KCND3: variants seen among roughly 807,000 people sequenced by gnomAD.
The protein encoded by KCND3 is A-type voltage-gated potassium channel KCND3.
KCND3 carries 9 observed loss-of-function variants against 51.1 expected under a neutral mutation model. That is an observed-to-expected ratio of 0.18 (90% confidence interval 0.11 to 0.31). The LOEUF (loss-of-function observed/expected upper bound fraction) is 0.31. Ranked by LOEUF, KCND3 falls within the 10% of genes least tolerant of loss-of-function variation. The probability of loss-of-function intolerance (pLI) is 1.00; values close to 1 mark genes in which losing one functional copy is unlikely to be tolerated. For synonymous variants in KCND3, 349 were observed against 368.0 expected (o/e 0.95, Z 0.59); for missense variants, 526 against 903.8 (o/e 0.58, Z 5.36).
At chr1:111,808,115 C>A (rs1289771983) in intron 2 of KCND3, among the ~76,000 whole-genome samples, 1 of 152,186 alleles carries the variant, frequency 6.6e-6, no homozygotes, top group East Asian at 1.9e-4. Flanking sequence ...AAGGAATTAT[C>A]CAGAATGTAG....
chr1:111,860,385 TGA>T (rs1352081182), intron 2 of KCND3, among the ~76,000 whole-genome samples: 1 of 152,178 alleles, frequency 6.6e-6, no homozygotes, highest in Non-Finnish European at 1.5e-5. Context: ...CTTAGGTGCT[TGA>T]TTGATACTTG....
chr1:111,881,395 A>G (rs1669305519), intron 2 of KCND3, among the ~76,000 whole-genome samples: 4 of 152,170 alleles, frequency 2.6e-5, no homozygotes, highest in African/African-American at 9.7e-5. Flanking sequence ...GCACCTGCCC[A>G]AGGCCGGGTG....
intron 2 of KCND3, among the ~76,000 whole-genome samples, chr1:111,947,164 G>T (rs1384694321): frequency 6.6e-6 from 1 of 152,074 alleles, no homozygotes; most frequent in Non-Finnish European, 1.5e-5. Flanking sequence ...TGTTTCTGAT[G>T]GCAGGACTAG....
intron 2 of KCND3, among the ~76,000 whole-genome samples, chr1:111,916,024 C>T (rs1282135818): frequency 6.6e-6 from 1 of 151,974 alleles, no homozygotes; most frequent in African/African-American, 2.4e-5. Flanking sequence ...AAAAAGTAGG[C>T]TAAAAATCAG....
chr1:111,936,038 A>C (rs1297779622), intron 2 of KCND3, among the ~76,000 whole-genome samples: 3 of 152,248 alleles, frequency 2.0e-5, no homozygotes, highest in Non-Finnish European at 2.9e-5. Flanking sequence ...ACATGGAAAT[A>C]TCCTGATAAA....
chr1:111,779,322 A>T (rs1664270877), intron 5 of KCND3, among the ~76,000 whole-genome samples: 1 of 151,712 alleles, frequency 6.6e-6, no homozygotes, highest in Non-Finnish European at 1.5e-5. Context: ...CTCCCCACCA[A>T]AAAAAAAGGA....
rs1181624645 is a variant in KCND3 at position 111,772,421 on chromosome 1, AGTATTGACATATAC to A, written c.*3642_*3655del. ...TGATTTCCAAGGGCTGTGTCCAAGT[AGTATTGACATATAC>A]GTATTGACATATAAGACTATGTCTC... On this transcript the variant is annotated 3_prime_UTR_variant, in exon 8 of 8. Transcript: ENST00000302127. 1.3e-5 allele frequency: 2 copies of A among 152,236 alleles called. No individual in the cohort carries two copies. The highest frequency in any genetic ancestry group is 4.8e-5 in the African/African-American group (2 of 41,460). 9.4% of individuals were successfully genotyped at this position (152,236 alleles called of 1,614,324 possible). A position where few individuals can be genotyped will look rare whatever the true frequency, so the allele number is the denominator to read the frequency against.
intron 2 of KCND3, among the ~76,000 whole-genome samples, chr1:111,976,868 G>A (rs1557762786): frequency 1.3e-5 from 2 of 152,216 alleles, no homozygotes. Context: ...TGGCTGATGT[G>A]CAATCATAGT....
In KCND3 at chr1:111,776,086, G is replaced by A. The variant is rs147087785; in HGVS notation, c.1959C>T (p.Ser653=). 374 of 1,614,054 alleles carry A rather than the reference G, an allele frequency of 2.3e-4. 1 individual carries two copies. The highest frequency in any genetic ancestry group is 2.9e-4 in the Non-Finnish European group (345 of 1,180,032). Reference sequence around the variant, plus strand: ...CCTCTGTCCAGTGGTTTTACAAGGCGGAGACCTTGACAACATTGCTGGCTA... The same window carrying A: ...CCTCTGTCCAGTGGTTTTACAAGGCAGAGACCTTGACAACATTGCTGGCTA... The part of the protein sequence containing the change: ...PSIASNVVKV[S]AL The change falls in exon 8 of 8, where the codon TCC becomes TCT. Residue 653 remains serine (S), a synonymous_variant. Coordinates refer to ENST00000302127, the MANE Select transcript of KCND3 (RefSeq NM_001378969.1).
chr1:111,867,929 A>G (rs1239336104), intron 2 of KCND3, among the ~76,000 whole-genome samples: 1 of 152,218 alleles, frequency 6.6e-6, no homozygotes, highest in Non-Finnish European at 1.5e-5. Context: ...GGTGACATGG[A>G]GGAAGTCGCT....
At chr1:111,945,906 C>T (rs2101896038) in intron 2 of KCND3, among the ~76,000 whole-genome samples, 1 of 152,314 alleles carries the variant, frequency 6.6e-6, no homozygotes, top group African/African-American at 2.4e-5. Flanking sequence ...GCTTTGGCGT[C>T]AGATGGACTG....
chr1:111,929,772 C>G (rs1368030376), intron 2 of KCND3, among the ~76,000 whole-genome samples: 1 of 152,198 alleles, frequency 6.6e-6, no homozygotes, highest in Non-Finnish European at 1.5e-5. Context: ...GGCTGCCTGT[C>G]CCCTCCCCCA....
In KCND3 at chr1:111,776,135, C is replaced by T. The variant is rs1297334561; in HGVS notation, c.1910G>A (p.Gly637Asp). 1.2e-6 allele frequency: 2 copies of T among 1,614,216 alleles called. No homozygotes were observed. The highest frequency in any genetic ancestry group is 3.3e-5 in the Admixed American group (2 of 60,030). ...TATGGAAGGAATGTTCGTGTTGGGG[C>T]CTGGGCTGGCAGGGGGTGGCCGACT... Reference protein sequence around the residue: ...GESRPPPASPGPNTNIPSIAS... With the variant: ...GESRPPPASPDPNTNIPSIAS... The change falls in exon 8 of 8, where the codon GGC becomes GAC. Residue 637 changes from glycine to aspartate, a missense_variant. Around this residue, in one of 5 missense-constraint regions of KCND3, gnomAD observed 266 missense variants for 305.5 expected, o/e 0.87. Coordinates refer to ENST00000302127, the MANE Select transcript of KCND3 (RefSeq NM_001378969.1).
intron 2 of KCND3, among the ~76,000 whole-genome samples, chr1:111,880,027 A>G (rs1557995523): frequency 6.6e-6 from 1 of 152,174 alleles, no homozygotes. Context: ...TGCTGTGAGG[A>G]TTGAATGAAA....
chr1:111,847,768 G>A (rs952444928), intron 2 of KCND3, among the ~76,000 whole-genome samples: 3 of 152,128 alleles, frequency 2.0e-5, no homozygotes, highest in Non-Finnish European at 4.4e-5. Flanking sequence ...GGAGGATGGC[G>A]GGAACAGAAT....
At chr1:111,926,921 T>C (rs1395429670) in intron 2 of KCND3, among the ~76,000 whole-genome samples, 1 of 152,242 alleles carries the variant, frequency 6.6e-6, no homozygotes, top group African/African-American at 2.4e-5. Context: ...TGTCCTTTTT[T>C]CTTTTTTTTC....
At chr1:111,912,500 C>A (rs1447100759) in intron 2 of KCND3, among the ~76,000 whole-genome samples, 2 of 152,074 alleles carry the variant, frequency 1.3e-5, no homozygotes, top group Non-Finnish European at 2.9e-5. Flanking sequence ...CAGTGTCCTC[C>A]TATGTAGAAA....
At chr1:111,869,509 C>T (rs529126322) in intron 2 of KCND3, among the ~76,000 whole-genome samples, 19 of 152,282 alleles carry the variant, frequency 1.2e-4, no homozygotes, top group South Asian at 1.2e-3. Flanking sequence ...ATTGGCCTAA[C>T]TGGACAATAA....
intron 2 of KCND3, among the ~76,000 whole-genome samples, chr1:111,867,607 G>T (rs1264032104): frequency 6.6e-6 from 1 of 152,078 alleles, no homozygotes; most frequent in African/African-American, 2.4e-5. Flanking sequence ...GAGCTCTTTT[G>T]GTCACACTGG....
Sources: gnomAD v4.1 joint callset for allele counts (sites outside exome capture counted in the v4.1 genomes callset) on GRCh38, gnomAD v4.1.1 for gene constraint, gnomAD v4.1.1 regional missense constraint, MANE v1.5 for transcripts, NCBI Gene and HGNC (gene_info 2026-07-23, HGNC 2026-07-21) for gene names.